The following DNAI1 variants were observed in gnomAD, a reference collection of about 807,000 sequenced individuals.
DNAI1 encodes dynein axonemal intermediate chain 1, also known as dynein, axonemal, intermediate polypeptide 1.
A neutral mutation model predicts 92.0 loss-of-function variants in DNAI1; 67 were observed. The observed-to-expected ratio is 0.73, with a 90% CI of 0.60 to 0.89. The LOEUF is 0.89. Ranked by LOEUF, DNAI1 falls within the 40% of genes least tolerant of loss-of-function variation. The probability of loss-of-function intolerance (pLI) is 0.00; values close to 1 mark genes in which losing one functional copy is unlikely to be tolerated. For synonymous variants in DNAI1, 323 were observed against 319.6 expected (o/e 1.01, Z -0.11); for missense variants, 839 against 866.6 (o/e 0.97, Z 0.40).
chr9:34,513,185 C>A lies in DNAI1; in HGVS notation c.1563C>A (p.Ile521=). ...TAGTGGGCACAGAGGAGGGAAAAAT[C>A]TACAAGGTGAGGCTGCCCTGTGCCA... ...MFLVGTEEGK[I]YKCSKSYSSQ... is the part of the protein sequence containing the mutation. Residue 521 remains isoleucine, a synonymous_variant, in exon 16 of 20, where the codon ATC becomes ATA. Transcript: ENST00000242317. 1 of 1,613,992 alleles carries A rather than the reference C, an allele frequency of 6.2e-7. No homozygotes were observed. The highest frequency in any genetic ancestry group is 8.5e-7 in the Non-Finnish European group (1 of 1,179,846).
chr9:34,516,271 TAG>T (rs1825169834), intron 18 of DNAI1, among the ~76,000 whole-genome samples: 1 of 152,136 alleles, frequency 6.6e-6, no homozygotes, highest in African/African-American at 2.4e-5. Context: ...GGAGGTGGGC[TAG>T]AGTGTGGGAT....
intron 1 of DNAI1, among the ~76,000 whole-genome samples, chr9:34,478,130 G>A (rs551563622): frequency 2.0e-5 from 3 of 151,922 alleles, no homozygotes; most frequent in African/African-American, 4.8e-5. Context: ...CAAGTGATCC[G>A]CCTTTCTCAG....
rs1414744811 is a variant in DNAI1 at position 34,520,438 on chromosome 9, G to C, written c.2002-220G>C. ...CCATGTCCATCTGAGGTTCAAGCCA[G>C]AGCTGGACTCCTTTTTGCAAGCTGT... On this transcript the variant is annotated intron_variant, in intron 19 of 19. Transcript: ENST00000242317. Among the ~76,000 whole-genome samples, 4 of 152,194 alleles carry C rather than the reference G, an allele frequency of 2.6e-5. No individual in the cohort carries two copies. In the East Asian group the frequency reaches 5.8e-4, roughly 22 times the overall value.
chr9:34,494,020 T>C (rs1384484980), intron 9 of DNAI1, among the ~76,000 whole-genome samples: 1 of 152,116 alleles, frequency 6.6e-6, no homozygotes, highest in Non-Finnish European at 1.5e-5. Context: ...AGGGCCACAT[T>C]TGTCCCTTTA....
Position 34,506,853 on chromosome 9 carries a change from G to A in DNAI1, c.1290G>A (p.Lys430=), listed in dbSNP as rs1047610175. ...TCTGCAGCTCAGCCAAGTCTGGCAA[G>A]CACTCAGACCCTGTGTGGCAGGTCA... ...PSFCSSAKSG[K]HSDPVWQVKW... Residue 430 remains lysine (K), a synonymous_variant, in exon 13 of 20, where the codon AAG becomes AAA. Transcript: ENST00000242317. The A allele has an allele frequency of 1.2e-6, 2 of 1,614,110 alleles. No individual in the cohort carries two copies.
intron 11 of DNAI1, 79 bp from the exon 12 acceptor site, chr9:34,501,059 A>G: frequency 8.3e-7 from 1 of 1,210,138 alleles, no homozygotes; most frequent in African/African-American, 1.5e-5. Context: ...TTTAGGCACC[A>G]GTGCCAATGG....
chr9:34,520,449 C>A (rs1030417403), intron 19 of DNAI1, among the ~76,000 whole-genome samples: 1 of 152,146 alleles, frequency 6.6e-6, no homozygotes, highest in Non-Finnish European at 1.5e-5. Flanking sequence ...AGCTGGACTC[C>A]TTTTTGCAAG....
chr9:34,485,239 C>T lies in DNAI1; in HGVS notation c.179C>T (p.Ala60Val), dbSNP rs16931549. The change falls in exon 3 of 20, where the codon GCG (alanine) becomes GTG (valine). Residue 60 changes from alanine to valine, a missense_variant and splice_region_variant. Ala to Val is a moderately conservative substitution (Grantham distance 64). Transcript: ENST00000242317. ...RPPDQLELTD[A>V]ELKEEFTRIL... ...CCTGACCAGCTGGAGTTGACCGATG[C>T]GGTGAGTGAGTAGCCTCTTGTTCTT... is the stretch of plus-strand genomic sequence containing the variant. 6,647 of 1,614,094 alleles carry T rather than the reference C, an allele frequency of 4.1e-3. 240 individuals are homozygous for T. In the African/African-American group the frequency reaches 0.076, roughly 18 times the overall value.
intron 7 of DNAI1, 78 bp downstream of exon 7, chr9:34,490,566 C>G: frequency 1.3e-6 from 2 of 1,596,814 alleles, no homozygotes; most frequent in Non-Finnish European, 1.7e-6. Flanking sequence ...GACCCTGGCC[C>G]TAGCAGACCT....
chr9:34,520,705 G>C lies in DNAI1; in HGVS notation c.2049G>C (p.Ala683=). The change falls in exon 20 of 20, where the codon GCG becomes GCC. Residue 683 remains alanine, a synonymous_variant. Transcript: ENST00000242317. The part of the protein sequence containing the change: ...EVQKGPAVEI[A]KLDKLLNLVR... ...AGAAGGGTCCAGCTGTGGAGATTGC[G>C]AAACTGGACAAACTGCTGAACCTGG... 1 of 1,551,712 alleles carries C rather than the reference G, an allele frequency of 6.4e-7. No individual in the cohort carries two copies. Among genetic ancestry groups the C allele is most frequent in the East Asian group, 2.4e-5 (1 of 40,928 alleles).
chr9:34,500,587 A>T (rs938909203), intron 10 of DNAI1, 135 bp from the exon 11 acceptor site: 5 of 692,168 alleles, frequency 7.2e-6, no homozygotes, highest in Admixed American at 2.1e-5. Flanking sequence ...GAACTCTGAG[A>T]TAGGTAGTAG....
intron 5 of DNAI1, 94 bp downstream of exon 5, chr9:34,489,543 A>G (rs2132061292): frequency 6.8e-7 from 1 of 1,467,418 alleles, no homozygotes; most frequent in Non-Finnish European, 9.5e-7. Context: ...AGAACTTTTC[A>G]GAGCTTCTGC....
In DNAI1 at chr9:34,459,268, G is replaced by A. The variant is rs75540489; in HGVS notation, c.48+215G>A. ...CTCTCCCATACTACCCCAATCCACCGTTTCTTACCTCTCTCCTTTTATCCA... is the reference window on the plus strand; with the variant it reads ...CTCTCCCATACTACCCCAATCCACCATTTCTTACCTCTCTCCTTTTATCCA... On this transcript the variant is annotated intron_variant, in intron 1 of 19. Coordinates refer to ENST00000242317, the MANE Select transcript of DNAI1 (RefSeq NM_012144.4). Among the ~76,000 whole-genome samples, 5,719 of 151,398 alleles carry A rather than the reference G, an allele frequency of 0.038. 209 individuals are homozygous for A. Among genetic ancestry groups the A allele is most frequent in the East Asian group, 0.21 (1,059 of 5,138 alleles).
chr9:34,484,543 G>A (rs550540685), intron 2 of DNAI1, among the ~76,000 whole-genome samples: 1 of 152,160 alleles, frequency 6.6e-6, no homozygotes, highest in Non-Finnish European at 1.5e-5. Context: ...GTTAGTGAGA[G>A]TGAACATTTA....
At chr9:34,473,710 T>C (rs1450229192) in intron 1 of DNAI1, among the ~76,000 whole-genome samples, 1 of 152,096 alleles carries the variant, frequency 6.6e-6, no homozygotes, top group Non-Finnish European at 1.5e-5. Context: ...GTTGGTTGGT[T>C]GGTGCGTGGG....
In DNAI1 at chr9:34,464,391, C is replaced by T. The variant is rs551144901; in HGVS notation, c.48+5338C>T. ...TCTCTATACCTTAATTTGTACCACT[C>T]TTCTCCATTATTGCTGTACCTTAGT... On this transcript the variant is annotated intron_variant, in intron 1 of 19. Transcript: ENST00000242317. Among the ~76,000 whole-genome samples, 4 of 152,262 alleles carry T rather than the reference C, an allele frequency of 2.6e-5. No homozygotes were observed. In the East Asian group the frequency reaches 7.7e-4, roughly 29 times the overall value.
intron 12 of DNAI1, among the ~76,000 whole-genome samples, chr9:34,501,787 A>T (rs1055106798): frequency 1.3e-5 from 2 of 151,716 alleles, no homozygotes; most frequent in Non-Finnish European, 2.9e-5. Context: ...GGCATGGGGG[A>T]TGGGATCCCC....
chr9:34,482,682 A>C (rs1376280050), intron 1 of DNAI1, among the ~76,000 whole-genome samples: 3 of 152,272 alleles, frequency 2.0e-5, no homozygotes, highest in Non-Finnish European at 2.9e-5. Context: ...CACCAGACTT[A>C]GGAGCCCACC....
chr9:34,474,560 T>A (rs1250700959), intron 1 of DNAI1, among the ~76,000 whole-genome samples: 3 of 148,822 alleles, frequency 2.0e-5, no homozygotes, highest in Non-Finnish European at 3.0e-5. Context: ...TTTCTTTTTT[T>A]TTTTTCCTTT....
Sources: gnomAD v4.1 joint callset for allele counts (sites outside exome capture counted in the v4.1 genomes callset) on GRCh38, gnomAD v4.1.1 for gene constraint, MANE v1.5 for transcripts, NCBI Gene and HGNC (gene_info 2026-07-23, HGNC 2026-07-21) for gene names.